ROR1: variants seen among roughly 807,000 people sequenced by gnomAD.
ROR1 encodes ROR family WNT receptor 1, also known as inactive tyrosine-protein kinase transmembrane receptor ROR1.
A neutral mutation model predicts 78.8 loss-of-function variants in ROR1; 19 were observed. That is an observed-to-expected ratio of 0.24 (90% CI 0.17 to 0.35). The LOEUF is 0.35. Among genes scored for constraint, ROR1 ranks in the 10% least tolerant of loss-of-function variants. ROR1 has a pLI of 1.00. For missense variants in ROR1, 917 were observed against 1,177.8 expected (o/e 0.78, Z 3.24); for synonymous variants, 386 against 433.6 (o/e 0.89, Z 1.36).
intron 2 of ROR1, among the ~76,000 whole-genome samples, chr1:64,041,268 A>G (rs1646743891): frequency 6.6e-6 from 1 of 152,112 alleles, no homozygotes. Flanking sequence ...TGCCTAATAT[A>G]TGTTTTTCCC....
rs553599324 is a variant in ROR1, at chr1:63,926,550, G to C, written c.92-82755G>C. 9.6e-4 allele frequency among the ~76,000 whole-genome samples: 137 copies of C among 142,516 alleles called. 1 individual carries two copies. The highest frequency in any genetic ancestry group is 3.5e-3 in the African/African-American group (135 of 38,590). The allele number at this position is 142,516 out of a possible 152,430, so 93.5% of individuals were successfully genotyped here. A position where few individuals can be genotyped will look rare whatever the true frequency, so the allele number is the denominator to read the frequency against. On this transcript the variant is annotated intron_variant, in intron 1 of 8. Transcript: ENST00000371079. Reference sequence around the variant, plus strand: ...GTTTTTTCCAATTCTGTGAAGAAAGGCATTGGTAGCTTGATGGGGATGGCA... The same window carrying C: ...GTTTTTTCCAATTCTGTGAAGAAAGCCATTGGTAGCTTGATGGGGATGGCA...
At chr1:63,923,574 T>C (rs754809353) in intron 1 of ROR1, among the ~76,000 whole-genome samples, 33 of 151,888 alleles carry the variant, frequency 2.2e-4, no homozygotes, top group Non-Finnish European at 4.3e-4. Context: ...TAAGCCTATC[T>C]ATATTGTGTC....
At chr1:64,134,136 T>A (rs749126010) in intron 4 of ROR1, among the ~76,000 whole-genome samples, 1 of 152,188 alleles carries the variant, frequency 6.6e-6, no homozygotes, top group African/African-American at 2.4e-5. Context: ...TGCGTAACTT[T>A]GGATAAGTTC....
chr1:63,902,324 C>CTT (rs1181122303), intron 1 of ROR1, among the ~76,000 whole-genome samples: 3 of 147,560 alleles, frequency 2.0e-5, no homozygotes, highest in Non-Finnish European at 3.0e-5. Context: ...AATAACAGAC[C>CTT]TTTTTTTTTT....
intron 4 of ROR1, among the ~76,000 whole-genome samples, chr1:64,078,154 T>C (rs568834558): frequency 7.9e-4 from 121 of 152,338 alleles, no homozygotes; most frequent in African/African-American, 2.6e-3. Flanking sequence ...GCTAAGCACT[T>C]AGTGTGTATT....
intron 1 of ROR1, among the ~76,000 whole-genome samples, chr1:63,837,443 A>G (rs549914171): frequency 6.6e-6 from 1 of 152,320 alleles, no homozygotes; most frequent in South Asian, 2.1e-4. Context: ...TCATTTCATT[A>G]GACTGAACTC....
At chr1:63,857,359 A>T (rs1156543170) in intron 1 of ROR1, among the ~76,000 whole-genome samples, 1 of 152,186 alleles carries the variant, frequency 6.6e-6, no homozygotes, top group Admixed American at 6.5e-5. Context: ...AGGTAAAGGG[A>T]CCAAGAATAG....
At chr1:64,136,412 A>G (rs1035731533) in intron 4 of ROR1, among the ~76,000 whole-genome samples, 4 of 150,266 alleles carry the variant, frequency 2.7e-5, no homozygotes, top group African/African-American at 9.8e-5. Flanking sequence ...GGTTGAAGTC[A>G]ACTTATACAC....
At chr1:63,874,486 C>G (rs1009597384) in intron 1 of ROR1, among the ~76,000 whole-genome samples, 4 of 152,028 alleles carry the variant, frequency 2.6e-5, no homozygotes, top group African/African-American at 9.7e-5. Context: ...AACTTTCCAC[C>G]GGGTGCTGAG....
intron 4 of ROR1, among the ~76,000 whole-genome samples, chr1:64,080,402 G>A (rs61765402): frequency 0.15 from 22,600 of 152,130 alleles, 1,777 homozygotes; most frequent in Middle Eastern, 0.2. Flanking sequence ...GAGGTTAAGA[G>A]ACCATGGTCT....
chr1:63,915,068 C>T (rs1645598898), intron 1 of ROR1, among the ~76,000 whole-genome samples: 1 of 152,182 alleles, frequency 6.6e-6, no homozygotes, highest in Non-Finnish European at 1.5e-5. Context: ...ATCCTCACAA[C>T]AACCATTTGA....
chr1:64,057,348 C>G (rs1446444489), intron 4 of ROR1, among the ~76,000 whole-genome samples: 1 of 152,154 alleles, frequency 6.6e-6, no homozygotes, highest in Non-Finnish European at 1.5e-5. Context: ...TCTACATAGT[C>G]TTGATTACTA....
At chr1:64,087,366 A>G (rs766549922) in intron 4 of ROR1, among the ~76,000 whole-genome samples, 8 of 152,262 alleles carry the variant, frequency 5.3e-5, no homozygotes, top group Non-Finnish European at 1.0e-4. Context: ...CGTAAGTACG[A>G]ACACAATGGA....
rs141300316 is a variant in ROR1 at position 63,909,050 on chromosome 1, T to C, written c.92-100255T>C. Among the ~76,000 whole-genome samples, 1,413 of 152,284 alleles carry C rather than the reference T, an allele frequency of 9.3e-3. 30 individuals carry two copies. The highest frequency in any genetic ancestry group is 0.031 in the African/African-American group (1,296 of 41,556). On this transcript the variant is annotated intron_variant, in intron 1 of 8. Transcript: ENST00000371079. ...GGTTTCCATATAGCCTTTGTCTTGG[T>C]GACCTAGCAAACAGGCACTTTTTTG...
intron 2 of ROR1, among the ~76,000 whole-genome samples, chr1:64,017,486 C>T (rs191105322): frequency 2.0e-4 from 30 of 152,164 alleles, no homozygotes; most frequent in Admixed American, 4.6e-4. Flanking sequence ...GGAAAATGAC[C>T]GTTTATGGTC....
intron 1 of ROR1, among the ~76,000 whole-genome samples, chr1:63,785,914 C>T (rs947343388): frequency 6.6e-5 from 10 of 152,222 alleles, no homozygotes; most frequent in Non-Finnish European, 1.5e-5. Context: ...TTTGCCCACT[C>T]ACATCTGGTG....
chr1:64,150,872 A>G (rs973144878), intron 7 of ROR1, among the ~76,000 whole-genome samples: 5 of 152,228 alleles, frequency 3.3e-5, no homozygotes, highest in Non-Finnish European at 7.3e-5. Flanking sequence ...TTCCTAGTAT[A>G]TATTGAGTCA....
intron 1 of ROR1, among the ~76,000 whole-genome samples, chr1:63,926,155 G>A (rs1234194011): frequency 1.9e-4 from 28 of 151,006 alleles, no homozygotes; most frequent in South Asian, 8.4e-4. Flanking sequence ...TAGGTCTAAC[G>A]TTTAAGTCTT....
intron 4 of ROR1, among the ~76,000 whole-genome samples, chr1:64,131,764 G>A (rs1314027636): frequency 2.6e-5 from 4 of 152,020 alleles, no homozygotes; most frequent in African/African-American, 9.7e-5. Context: ...ACATGTGTGT[G>A]CCACCATGCC....
Sources: allele counts gnomAD v4.1 joint callset (sites outside exome capture counted in the v4.1 genomes callset), GRCh38; gene constraint gnomAD v4.1.1; transcripts MANE v1.5; gene names NCBI Gene and HGNC (gene_info 2026-07-23, HGNC 2026-07-21).